The following NEGR1 variants were observed in gnomAD, a reference collection of about 807,000 sequenced individuals.
NEGR1 encodes neuronal growth regulator 1, also known as IgLON family member 4.
In NEGR1, 10 loss-of-function variants were observed where a neutral mutation model predicts 40.9. That is an observed-to-expected ratio of 0.24 (90% confidence interval 0.15 to 0.42). NEGR1 has a LOEUF of 0.42. Ranked by LOEUF, NEGR1 falls within the 10% of genes least tolerant of loss-of-function variation. The probability of loss-of-function intolerance (pLI) is 1.00; values close to 1 mark genes in which losing one functional copy is unlikely to be tolerated. For synonymous variants in NEGR1, 185 were observed against 166.8 expected (o/e 1.11, Z -0.84); for missense variants, 352 against 438.9 (o/e 0.80, Z 1.77).
intron 1 of NEGR1, among the ~76,000 whole-genome samples, chr1:72,049,197 C>T (rs578241791): frequency 1.0e-3 from 153 of 151,502 alleles, no homozygotes; most frequent in African/African-American, 3.6e-3. Flanking sequence ...AAAAATTAGC[C>T]AGGTGTAGTG....
chr1:71,777,662 C>T (rs1240177348), intron 2 of NEGR1, among the ~76,000 whole-genome samples: 5 of 151,972 alleles, frequency 3.3e-5, no homozygotes, highest in Admixed American at 6.6e-5. Context: ...CATGTTTTCA[C>T]GATTACCTTT....
chr1:71,994,183 C>T (rs1025528663), intron 1 of NEGR1, among the ~76,000 whole-genome samples: 1 of 152,132 alleles, frequency 6.6e-6, no homozygotes, highest in East Asian at 1.9e-4. Flanking sequence ...GCAACCATGT[C>T]TTTTAGAATT....
At chr1:71,660,259 A>C (rs567438108) in intron 4 of NEGR1, among the ~76,000 whole-genome samples, 1 of 152,284 alleles carries the variant, frequency 6.6e-6, no homozygotes, top group African/African-American at 2.4e-5. Context: ...CTTACTTGTA[A>C]GTGAGAGCTA....
chr1:71,557,368 T>A (rs1238428963), intron 6 of NEGR1, among the ~76,000 whole-genome samples: 1 of 151,640 alleles, frequency 6.6e-6, no homozygotes, highest in East Asian at 1.9e-4. Context: ...CAGACAAATG[T>A]TAGCTTTGTG....
At chr1:71,679,627 T>C (rs1306285044) in intron 4 of NEGR1, among the ~76,000 whole-genome samples, 1 of 152,084 alleles carries the variant, frequency 6.6e-6, no homozygotes, top group East Asian at 1.9e-4. Context: ...CAGCCACACA[T>C]AGAGGCAATT....
chr1:71,421,529 C>T (rs1336126341), intron 6 of NEGR1: 2 of 152,064 alleles, frequency 1.3e-5, no homozygotes, highest in African/African-American at 4.8e-5. Flanking sequence ...TTCTCTACTT[C>T]CTAGCACACT....
chr1:71,791,157 C>T (rs1322637195), intron 2 of NEGR1, among the ~76,000 whole-genome samples: 2 of 152,028 alleles, frequency 1.3e-5, no homozygotes, highest in Non-Finnish European at 2.9e-5. Flanking sequence ...ATGTCAATAT[C>T]AGGTGCACTT....
chr1:71,647,628 G>A (rs1651576189), intron 4 of NEGR1, among the ~76,000 whole-genome samples: 2 of 151,920 alleles, frequency 1.3e-5, no homozygotes, highest in African/African-American at 4.8e-5. Flanking sequence ...AACGATTCAA[G>A]TGAGAGCTGT....
chr1:71,864,765 A>C (rs1660064778), intron 2 of NEGR1, among the ~76,000 whole-genome samples: 1 of 152,176 alleles, frequency 6.6e-6, no homozygotes, highest in African/African-American at 2.4e-5. Context: ...TCAAAAACAC[A>C]AACAGAAGAA....
At chr1:71,542,843 A>C (rs1433690514) in intron 6 of NEGR1, among the ~76,000 whole-genome samples, 1 of 151,758 alleles carries the variant, frequency 6.6e-6, no homozygotes, top group Non-Finnish European at 1.5e-5. Context: ...GAGCTCCACA[A>C]GCAATTTTTC....
At chr1:71,901,559 C>A (rs1661142847) in intron 2 of NEGR1, among the ~76,000 whole-genome samples, 1 of 152,010 alleles carries the variant, frequency 6.6e-6, no homozygotes, top group African/African-American at 2.4e-5. Context: ...ATAAAACAAC[C>A]TTTAAAATGG....
chr1:72,130,731 C>T (rs938638257), intron 1 of NEGR1, among the ~76,000 whole-genome samples: 2 of 152,250 alleles, frequency 1.3e-5, no homozygotes, highest in Non-Finnish European at 2.9e-5. Context: ...CCATTCTGAC[C>T]TCCTCAGCCA....
chr1:71,497,356 A>G (rs932853602), intron 6 of NEGR1, among the ~76,000 whole-genome samples: 2 of 152,178 alleles, frequency 1.3e-5, no homozygotes, highest in African/African-American at 2.4e-5. Flanking sequence ...ATAAATATAG[A>G]TAAAAATATC....
intron 6 of NEGR1, among the ~76,000 whole-genome samples, chr1:71,464,544 C>T (rs1646733602): frequency 6.6e-6 from 1 of 151,960 alleles, no homozygotes; most frequent in Non-Finnish European, 1.5e-5. Flanking sequence ...TTAAAAATAC[C>T]TGTTAAAAAA....
intron 2 of NEGR1, among the ~76,000 whole-genome samples, chr1:71,867,244 C>T (rs1312718884): frequency 6.6e-6 from 1 of 151,966 alleles, no homozygotes; most frequent in East Asian, 1.9e-4. Context: ...TGTGGTGGCC[C>T]GTGCCTATAA....
intron 1 of NEGR1, among the ~76,000 whole-genome samples, chr1:72,049,582 T>A (rs1647037882): frequency 6.6e-6 from 1 of 151,590 alleles, no homozygotes; most frequent in African/African-American, 2.4e-5. Context: ...GATACACAGC[T>A]CTATAGCACA....
chr1:71,638,014 C>G (rs994789648), intron 4 of NEGR1, among the ~76,000 whole-genome samples: 17 of 152,086 alleles, frequency 1.1e-4, no homozygotes, highest in African/African-American at 3.6e-4. Flanking sequence ...GATGAGAAAG[C>G]TGAAGCTAGA....
At chr1:71,931,072 C>T (rs977456744) in intron 2 of NEGR1, among the ~76,000 whole-genome samples, 12 of 152,176 alleles carry the variant, frequency 7.9e-5, no homozygotes, top group African/African-American at 2.2e-4. Context: ...GAAATAAGCC[C>T]ACCCTTGATA....
At chr1:71,942,454 TCTATATATATATATATATATATATATA>T in intron 1 of NEGR1, among the ~76,000 whole-genome samples, 1 of 27,560 alleles carries the variant, frequency 3.6e-5, no homozygotes, top group African/African-American at 1.2e-4. Flanking sequence ...ATTCTTTAAA[TCTATATATATATATATATATATATATA>T]TATTTTTTTT....
Sources: allele counts gnomAD v4.1 joint callset (sites outside exome capture counted in the v4.1 genomes callset), GRCh38; gene constraint gnomAD v4.1.1; transcripts MANE v1.5; gene names NCBI Gene and HGNC (gene_info 2026-07-23, HGNC 2026-07-21).